The following ZFHX3 variants were observed in gnomAD, a reference collection of about 807,000 sequenced individuals.
The protein encoded by ZFHX3 is zinc finger homeobox protein 3.
A neutral mutation model predicts 279.1 loss-of-function variants in ZFHX3; 42 were observed. The ratio of observed to expected loss-of-function variants is 0.15; its 90% CI spans 0.12 to 0.19. The LOEUF is 0.19. ZFHX3 is among the 10% of genes least tolerant of loss of function. The probability of loss-of-function intolerance (pLI) is 1.00; values close to 1 mark genes in which losing one functional copy is unlikely to be tolerated. For missense variants in ZFHX3, 4,981 were observed against 4,754.0 expected (o/e 1.05, Z -1.40); for synonymous variants, 2,293 against 1,957.8 (o/e 1.17, Z -4.52).
chr16:73,090,981 G>C (rs1381833964), intron 8 of ZFHX3, among the ~76,000 whole-genome samples: 2 of 150,228 alleles, frequency 1.3e-5, no homozygotes, highest in African/African-American at 2.4e-5. Flanking sequence ...GGAGGCTGTG[G>C]CTAGCGGATC....
intron 1 of ZFHX3, among the ~76,000 whole-genome samples, chr16:73,759,967 A>T (rs2053846476): frequency 6.6e-6 from 1 of 151,654 alleles, no homozygotes; most frequent in Non-Finnish European, 1.5e-5. Context: ...AAGGAGATAG[A>T]GACACTAAAA....
chr16:73,710,944 C>T (rs370849618), intron 1 of ZFHX3, among the ~76,000 whole-genome samples: 7 of 152,190 alleles, frequency 4.6e-5, no homozygotes, highest in African/African-American at 1.4e-4. Flanking sequence ...CACAGCATTT[C>T]CCTGCTACTC....
At chr16:72,883,513 C>G (rs529573861) in intron 4 of ZFHX3, among the ~76,000 whole-genome samples, 1 of 152,294 alleles carries the variant, frequency 6.6e-6, no homozygotes, top group African/African-American at 2.4e-5. Flanking sequence ...GTCACTAACT[C>G]CTTGCTTGAA....
intron 2 of ZFHX3, among the ~76,000 whole-genome samples, chr16:73,485,431 A>G (rs1187116875): frequency 1.1e-5 from 1 of 92,146 alleles, no homozygotes; most frequent in Non-Finnish European, 2.0e-5. Context: ...GGAGAAAAAA[A>G]AAAAAAAAAA....
intron 1 of ZFHX3, among the ~76,000 whole-genome samples, chr16:73,036,853 C>T (rs541387254): frequency 2.1e-4 from 32 of 152,244 alleles, no homozygotes; most frequent in African/African-American, 4.3e-4. Flanking sequence ...AGCAGATGGC[C>T]GTGGCCTACT....
chr16:73,291,174 G>A (rs771561620), intron 4 of ZFHX3, among the ~76,000 whole-genome samples: 11 of 152,124 alleles, frequency 7.2e-5, no homozygotes, highest in Non-Finnish European at 1.5e-4. Context: ...TCCTTCCAAC[G>A]GTACCCATGG....
chr16:73,797,249 G>T (rs1452564291), intron 1 of ZFHX3, among the ~76,000 whole-genome samples: 5 of 152,076 alleles, frequency 3.3e-5, no homozygotes, highest in Admixed American at 3.3e-4. Flanking sequence ...CAGAAGTAGT[G>T]AAGCACTGTT....
At chr16:73,588,821 T>C (rs1041286668) in intron 2 of ZFHX3, among the ~76,000 whole-genome samples, 1 of 151,934 alleles carries the variant, frequency 6.6e-6, no homozygotes, top group Non-Finnish European at 1.5e-5. Flanking sequence ...AGTTTCTCTT[T>C]AACAAATGAA....
Position 73,510,078 on chromosome 16 carries a change from A to G in ZFHX3, c.-1546-53820T>C, listed in dbSNP as rs561158302. On this transcript the variant is annotated intron_variant, in intron 2 of 17. Transcript: ENST00000641206. ...CCTTTCCATCGAATGCTGTTTTCCT[A>G]TGAGCTTGGTGTGGTTGGCTCCTTC... Among the ~76,000 whole-genome samples, 3 of 152,192 alleles carry G rather than the reference A, an allele frequency of 2.0e-5. No individual in the cohort carries two copies. In the East Asian group the frequency reaches 5.8e-4, roughly 29 times the overall value.
intron 3 of ZFHX3, among the ~76,000 whole-genome samples, chr16:72,907,545 TTGTGTGTGTGTGTGTGTGTGTGTGTG>T (rs547618913): frequency 5.5e-4 from 66 of 120,480 alleles, no homozygotes; most frequent in South Asian, 1.6e-3. Context: ...TTTCCTCTAT[TTGTGTGTGTGTGTGTGTGTGTGTGTG>T]TGTGTGTGTG....
intron 2 of ZFHX3, among the ~76,000 whole-genome samples, chr16:73,496,294 G>A (rs1196411828): frequency 6.6e-6 from 1 of 152,228 alleles, no homozygotes; most frequent in Non-Finnish European, 1.5e-5. Context: ...ACTTTGGGAG[G>A]CCGAGGCAGG....
intron 2 of ZFHX3, among the ~76,000 whole-genome samples, chr16:73,494,561 G>A (rs2019106437): frequency 6.6e-6 from 1 of 151,914 alleles, no homozygotes; most frequent in Non-Finnish European, 1.5e-5. Flanking sequence ...AAACTATGGT[G>A]TCTGTTTGTT....
chr16:73,494,406 A>G (rs2019102856), intron 2 of ZFHX3, among the ~76,000 whole-genome samples: 1 of 151,970 alleles, frequency 6.6e-6, no homozygotes, highest in Admixed American at 6.6e-5. Context: ...GGCGAGGTCT[A>G]TTTTCTAGGT....
intron 1 of ZFHX3, among the ~76,000 whole-genome samples, chr16:73,879,430 C>T (rs1030099330): frequency 6.6e-6 from 1 of 151,980 alleles, no homozygotes; most frequent in Non-Finnish European, 1.5e-5. Flanking sequence ...TAAGCCATTC[C>T]CACATTTCCA....
chr16:73,464,308 G>A (rs2018524451), intron 2 of ZFHX3, among the ~76,000 whole-genome samples: 1 of 152,124 alleles, frequency 6.6e-6, no homozygotes, highest in Non-Finnish European at 1.5e-5. Flanking sequence ...GAGACAATTT[G>A]TGCCGAGTGA....
chr16:73,270,650 T>C (rs891234566), intron 4 of ZFHX3, among the ~76,000 whole-genome samples: 2 of 152,186 alleles, frequency 1.3e-5, no homozygotes, highest in Non-Finnish European at 2.9e-5. Flanking sequence ...TACTAAAAGA[T>C]CTGCCCAGTG....
At chr16:73,584,226 G>C (rs1173706875) in intron 2 of ZFHX3, among the ~76,000 whole-genome samples, 1 of 152,130 alleles carries the variant, frequency 6.6e-6, no homozygotes, top group Non-Finnish European at 1.5e-5. Flanking sequence ...GAAAGAAAGA[G>C]AATGAGGCAG....
Position 73,109,836 on chromosome 16 carries a change from G to A in ZFHX3, c.-896-16238C>T, listed in dbSNP as rs937117480. On this transcript the variant is annotated intron_variant, in intron 7 of 17. Coordinates refer to the ZFHX3 transcript ENST00000641206. The stretch of plus-strand genomic sequence containing the variant: ...TGTACTCCAGACTGGGCAACAGAGC[G>A]AGACTTGGTCTCAAAACAAAAACAA... Among the ~76,000 whole-genome samples, 10 of 143,762 alleles carry A rather than the reference G, an allele frequency of 7.0e-5. No individual in the cohort carries two copies. In the East Asian group the frequency reaches 7.9e-4, roughly 11 times the overall value. The allele number at this position is 143,762 out of a possible 152,430, so 94.3% of individuals were successfully genotyped here.
At chr16:73,349,730 TCTCC>T (rs1407795465) in intron 3 of ZFHX3, among the ~76,000 whole-genome samples, 1 of 57,902 alleles carries the variant, frequency 1.7e-5, no homozygotes, top group Non-Finnish European at 3.1e-5. Flanking sequence ...CCTCTCTCCC[TCTCC>T]CTTCCTTCCC....
Sources: allele counts gnomAD v4.1 joint callset (sites outside exome capture counted in the v4.1 genomes callset), GRCh38; gene constraint gnomAD v4.1.1; transcripts MANE v1.5; gene names NCBI Gene and HGNC (gene_info 2026-07-23, HGNC 2026-07-21).